The following CHIC2 variants were observed in gnomAD, a reference collection of about 807,000 sequenced individuals.
CHIC2 encodes cysteine rich hydrophobic domain 2.
In CHIC2, 14 loss-of-function variants were observed where a neutral mutation model predicts 25.9. The ratio of observed to expected loss-of-function variants is 0.54; its 90% confidence interval spans 0.36 to 0.85. CHIC2 has a LOEUF of 0.85. Among genes scored for constraint, CHIC2 ranks in the 40% least tolerant of loss-of-function variants. CHIC2 has a pLI of 0.01. For missense variants in CHIC2, 146 were observed against 202.0 expected (o/e 0.72, Z 1.68); for synonymous variants, 70 against 72.0 (o/e 0.97, Z 0.14).
chr4:54,065,581 C>G (rs1717498706), upstream of CHIC2, among the ~76,000 whole-genome samples: 1 of 152,278 alleles, frequency 6.6e-6, no homozygotes. Flanking sequence ...GTCTACTTAG[C>G]TGCCTAGTAA....
rs1715540340 is a variant in CHIC2, at chr4:54,010,121, T to C, written c.472A>G (p.Lys158Glu). The C allele has an allele frequency of 1.9e-6, 3 of 1,607,612 alleles. No homozygotes were observed. Among genetic ancestry groups the C allele is most frequent in the Non-Finnish European group, 2.6e-6 (3 of 1,174,834 alleles). ...EYVILIEFLP[K>E]TPIFRPD ...TAATCTGGTCGAAAAATCGGTGTCT[T>C]TGGTAAAAATTCTATGAGGATGACC... Residue 158 changes from lysine to glutamate, a missense_variant, in exon 6 of 6, where the codon AAG becomes GAG. Coordinates refer to ENST00000263921, the MANE Select transcript of CHIC2 (RefSeq NM_012110.4).
At chr4:54,077,946 AT>A in the CHIC2 span, among the ~76,000 whole-genome samples, 1 of 152,244 alleles carries the variant, frequency 6.6e-6, no homozygotes, top group Non-Finnish European at 1.5e-5. Flanking sequence ...ACCCTGTGAC[AT>A]CAGCATGTGG....
chr4:54,068,096 G>A (rs1293978322), upstream of CHIC2, among the ~76,000 whole-genome samples: 1 of 152,058 alleles, frequency 6.6e-6, no homozygotes, highest in Non-Finnish European at 1.5e-5. Flanking sequence ...GTGCCATGGG[G>A]ACACAGCAAG....
Position 54,028,520 on chromosome 4 carries a change from T to C in CHIC2, c.331-14401A>G, listed in dbSNP as rs1290278902. On this transcript the variant is annotated intron_variant, in intron 3 of 5. Transcript: ENST00000263921. ...TAAGAATACAGTACATGTAAATTGA[T>C]TAACTCCATCACTGGTAAAGAGTGA... 2.6e-5 allele frequency among the ~76,000 whole-genome samples: 4 copies of C among 152,232 alleles called. No individual in the cohort carries two copies. In the South Asian group the frequency reaches 6.2e-4, roughly 24 times the overall value.
intron 1 of CHIC2, among the ~76,000 whole-genome samples, chr4:54,053,152 A>G (rs1233278166): frequency 1.3e-5 from 2 of 152,228 alleles, no homozygotes; most frequent in African/African-American, 2.4e-5. Context: ...GAAAATGTTG[A>G]AGAAGAAAAT....
intron 3 of CHIC2, among the ~76,000 whole-genome samples, chr4:54,016,319 T>C (rs1325271209): frequency 6.6e-6 from 1 of 152,296 alleles, no homozygotes; most frequent in East Asian, 1.9e-4. Flanking sequence ...TTATGATATA[T>C]AGACACATAC....
intron 3 of CHIC2, among the ~76,000 whole-genome samples, chr4:54,036,430 A>C (rs1383546980): frequency 1.3e-5 from 2 of 152,168 alleles, no homozygotes; most frequent in Admixed American, 1.3e-4. Flanking sequence ...ATAATGGTGG[A>C]AGATGAAAGG....
At chr4:54,047,874 ATTT>A (rs954465503) in intron 3 of CHIC2, among the ~76,000 whole-genome samples, 3 of 151,962 alleles carry the variant, frequency 2.0e-5, no homozygotes, top group African/African-American at 4.8e-5. Flanking sequence ...ATTTAAAAAA[ATTT>A]TTTTAAAGTA....
chr4:54,066,310 G>A (rs192203484), upstream of CHIC2, among the ~76,000 whole-genome samples: 52 of 152,256 alleles, frequency 3.4e-4, 2 homozygotes, highest in East Asian at 9.2e-3. Context: ...CCTAGAAGAA[G>A]GCCCAGTACA....
At chr4:54,072,941 G>A in the CHIC2 span, among the ~76,000 whole-genome samples, 6 of 152,182 alleles carry the variant, frequency 3.9e-5, no homozygotes, top group East Asian at 1.9e-4. Flanking sequence ...GCATGGTGGC[G>A]GGCGCCTATA....
chr4:54,046,152 G>A (rs927588874), intron 3 of CHIC2, among the ~76,000 whole-genome samples: 3 of 152,176 alleles, frequency 2.0e-5, no homozygotes, highest in Non-Finnish European at 4.4e-5. Context: ...AATAAAAAAG[G>A]ATACAAACAA....
At chr4:54,022,777 C>T (rs1715942014) in intron 3 of CHIC2, among the ~76,000 whole-genome samples, 1 of 152,082 alleles carries the variant, frequency 6.6e-6, no homozygotes, top group Admixed American at 6.5e-5. Flanking sequence ...TCACCCTTAC[C>T]CCGCTCAATG....
At chr4:54,042,760 G>GA (rs1004451504) in intron 3 of CHIC2, among the ~76,000 whole-genome samples, 7 of 149,094 alleles carry the variant, frequency 4.7e-5, no homozygotes, top group East Asian at 2.0e-4. Flanking sequence ...TGAGAATGAT[G>GA]AAAAAAAAAG....
chr4:54,064,343 G>A lies in CHIC2; in HGVS notation c.-43C>T. The stretch of plus-strand genomic sequence containing the variant: ...CCCTGCCCAAAGGGCCTGACTCCCG[G>A]GGTTGGCGCCGGGGTACCGGCGGGC... On this transcript the variant is annotated 5_prime_UTR_variant, in exon 1 of 6. Coordinates refer to ENST00000263921, the MANE Select transcript of CHIC2 (RefSeq NM_012110.4). This position sits in a 1 kb window ranked among gnomAD's most constrained non-coding sequence, Gnocchi z 4.2. 6.2e-6 allele frequency: 10 copies of A among 1,610,492 alleles called. No individual in the cohort carries two copies. Among genetic ancestry groups the A allele is most frequent in the Non-Finnish European group, 8.5e-6 (10 of 1,178,288 alleles).
intron 3 of CHIC2, among the ~76,000 whole-genome samples, chr4:54,025,014 G>A (rs950712995): frequency 7.9e-5 from 12 of 151,878 alleles, no homozygotes; most frequent in East Asian, 1.9e-4. Context: ...GAGAAACATC[G>A]TCCATTATGT....
Position 54,049,075 on chromosome 4 carries a change from T to G in CHIC2, c.210A>C (p.Arg70Ser). ...GGTTCTTCTTAAGACAACTGTTAAC[T>G]CTGTTGATGCTGGCTTTAAATTCTT... ...APEEFKASINRVNSCLKKNLP... is the reference protein window; with the variant it reads ...APEEFKASINSVNSCLKKNLP... The change falls in exon 3 of 6, where the codon AGA becomes AGC. Residue 70 changes from arginine to serine, a missense_variant. Coordinates refer to ENST00000263921, the MANE Select transcript of CHIC2 (RefSeq NM_012110.4). 1 of 1,609,906 alleles carries G rather than the reference T, an allele frequency of 6.2e-7. No individual in the cohort carries two copies. The highest frequency in any genetic ancestry group is 1.1e-5 in the South Asian group (1 of 89,514).
chr4:54,071,503 G>T, the CHIC2 span, among the ~76,000 whole-genome samples: 12 of 152,192 alleles, frequency 7.9e-5, no homozygotes, highest in African/African-American at 2.7e-4. Flanking sequence ...CTTGGCCAAG[G>T]CCACACAACT....
intron 3 of CHIC2, among the ~76,000 whole-genome samples, chr4:54,037,040 T>C (rs1212635445): frequency 6.6e-6 from 1 of 152,106 alleles, no homozygotes; most frequent in Non-Finnish European, 1.5e-5. Context: ...TGCAACAACA[T>C]TGTTGAATCT....
chr4:54,046,832 C>A (rs908438084), intron 3 of CHIC2, among the ~76,000 whole-genome samples: 3 of 152,146 alleles, frequency 2.0e-5, no homozygotes, highest in Non-Finnish European at 2.9e-5. Flanking sequence ...TTCTGCACAG[C>A]AAAAGAAACT....
Sources: gnomAD v4.1 joint callset for allele counts (sites outside exome capture counted in the v4.1 genomes callset) on GRCh38, gnomAD v4.1.1 for gene constraint, Gnocchi (gnomAD v3.1) non-coding constraint, MANE v1.5 for transcripts, NCBI Gene and HGNC (gene_info 2026-07-23, HGNC 2026-07-21) for gene names.